NHS: variants seen among roughly 807,000 people sequenced by gnomAD.
The protein encoded by NHS is NHS actin remodeling regulator.
Under a neutral mutation model 72.5 loss-of-function variants are expected in NHS, and 5 were observed. The ratio of observed to expected loss-of-function variants is 0.07; its 90% CI spans 0.04 to 0.14. The LOEUF (loss-of-function observed/expected upper bound fraction) is 0.14, where lower values mean the gene tolerates loss of function less well. Ranked by LOEUF, NHS falls within the 10% of genes least tolerant of loss-of-function variation. The pLI, the probability that NHS is intolerant of heterozygous loss-of-function variation, is 1.00. For missense variants in NHS, 1,072 were observed against 1,355.7 expected (o/e 0.79, Z 3.29); for synonymous variants, 464 against 547.7 (o/e 0.85, Z 2.13).
At chrX:17,574,510 A>G (rs775454968) in intron 1 of NHS, among the ~76,000 whole-genome samples, 13 of 112,386 alleles carry the variant, frequency 1.2e-4, no homozygotes, top group Non-Finnish European at 1.7e-4. Context: ...ACCGAGCCAG[A>G]CAGGAAGGAA....
intron 3 of NHS, among the ~76,000 whole-genome samples, chrX:17,697,791 T>C (rs377747482): frequency 9.9e-5 from 11 of 111,175 alleles, no homozygotes; most frequent in African/African-American, 3.3e-4. Flanking sequence ...TAGAATAAGC[T>C]AATTGATCAC....
intron 3 of NHS, among the ~76,000 whole-genome samples, chrX:17,696,805 A>C (rs2066233656): frequency 1.8e-5 from 2 of 111,877 alleles, no homozygotes; most frequent in Non-Finnish European, 3.8e-5. Context: ...GGGAAAAATA[A>C]AACTACACAG....
At chrX:17,394,141 G>T (rs1035608951) in intron 1 of NHS, among the ~76,000 whole-genome samples, 1 of 111,349 alleles carries the variant, frequency 9.0e-6, no homozygotes, top group Admixed American at 9.6e-5. Flanking sequence ...AAACATCTTT[G>T]AGGCCAAAGC....
chrX:17,698,994 A>C (rs2066247307), intron 3 of NHS, among the ~76,000 whole-genome samples: 1 of 111,820 alleles, frequency 8.9e-6, no homozygotes, highest in South Asian at 3.7e-4. Flanking sequence ...ATAACAAAGA[A>C]GACCAAATAC....
At chrX:17,646,537 A>T (rs2065906646) in intron 1 of NHS, among the ~76,000 whole-genome samples, 1 of 111,434 alleles carries the variant, frequency 9.0e-6, no homozygotes, top group African/African-American at 3.3e-5. Flanking sequence ...TGAGTACATG[A>T]TACTTTTATG....
rs755702431 is a variant in NHS at position 17,376,345 on chromosome X, C to G, written c.565+23C>G. 16 of 1,131,912 alleles carry G rather than the reference C, an allele frequency of 1.4e-5. 1 individual carries two copies. The highest frequency in any genetic ancestry group is 1.8e-5 in the African/African-American group (1 of 55,981). The allele number at this position is 1,131,912 out of a possible 1,213,427, so 93.3% of individuals were successfully genotyped here. ...TGCGTGAGTACCCGCGCCGTCCGCCCGCCAGGCTATGGGTTTCTGCGCCGC... is the reference window on the plus strand; with the variant it reads ...TGCGTGAGTACCCGCGCCGTCCGCCGGCCAGGCTATGGGTTTCTGCGCCGC... On this transcript the variant is annotated intron_variant, in intron 1 of 8. Transcript: ENST00000676302.
intron 1 of NHS, among the ~76,000 whole-genome samples, chrX:17,410,262 A>G (rs1273900480): frequency 9.0e-6 from 1 of 110,917 alleles, no homozygotes; most frequent in Non-Finnish European, 1.9e-5. Context: ...TCCTTCTGAA[A>G]ATGATACCAC....
chrX:17,515,500 T>A (rs946488685), intron 1 of NHS, among the ~76,000 whole-genome samples: 10 of 112,403 alleles, frequency 8.9e-5, no homozygotes, highest in Non-Finnish European at 1.7e-4. Context: ...AAGAAGGATG[T>A]TTTGACTGCT....
intron 1 of NHS, among the ~76,000 whole-genome samples, chrX:17,472,157 G>T (rs1307545801): frequency 9.0e-6 from 1 of 111,331 alleles, no homozygotes; most frequent in Admixed American, 9.6e-5. Flanking sequence ...CTTGTGTTAA[G>T]ATCAAGGCAC....
At chrX:17,389,266 T>A (rs2064427660) in intron 1 of NHS, among the ~76,000 whole-genome samples, 2 of 111,885 alleles carry the variant, frequency 1.8e-5, no homozygotes, top group African/African-American at 6.5e-5. Context: ...TAATACTACT[T>A]TCAGGTAGGA....
intron 1 of NHS, among the ~76,000 whole-genome samples, chrX:17,475,941 C>T (rs1439748620): frequency 8.9e-6 from 1 of 111,851 alleles, no homozygotes; most frequent in Non-Finnish European, 1.9e-5. Context: ...CCTGTGCCCT[C>T]CCCTGCTACA....
intron 1 of NHS, among the ~76,000 whole-genome samples, chrX:17,483,556 G>A (rs1030787101): frequency 1.8e-5 from 2 of 112,086 alleles, no homozygotes; most frequent in Non-Finnish European, 1.9e-5. Context: ...AGGAACTCCT[G>A]TTTGTGTCAG....
At chrX:17,462,582 T>TAAAGTACATTGAAATGTACTTTATG (rs2146897216) in intron 1 of NHS, among the ~76,000 whole-genome samples, 1 of 112,264 alleles carries the variant, frequency 8.9e-6, no homozygotes, top group South Asian at 3.7e-4. Flanking sequence ...TAAATATATG[T>TAAAGTACATTGAAATGTACTTTATG]AAAGTACATT....
At chrX:17,482,391 G>T (rs774736693) in intron 1 of NHS, among the ~76,000 whole-genome samples, 3 of 112,256 alleles carry the variant, frequency 2.7e-5, no homozygotes, top group Non-Finnish European at 5.6e-5. Flanking sequence ...CCTCTGCAAT[G>T]CTTCAGCCTA....
chrX:17,590,117 C>A (rs1301192894), intron 1 of NHS, among the ~76,000 whole-genome samples: 4 of 111,764 alleles, frequency 3.6e-5, no homozygotes, highest in African/African-American at 1.3e-4. Flanking sequence ...AATTGGTGAT[C>A]CCCAGCATGG....
At chrX:17,586,335 C>A (rs1455693845) in intron 1 of NHS, 1 of 111,612 alleles carries the variant, frequency 9.0e-6, no homozygotes, top group African/African-American at 3.3e-5. Context: ...CATCAGAAAA[C>A]AAGCCACCGC....
intron 1 of NHS, among the ~76,000 whole-genome samples, chrX:17,597,113 T>A (rs1157684285): frequency 1.0e-5 from 1 of 96,377 alleles, no homozygotes; most frequent in African/African-American, 4.8e-5. Flanking sequence ...AGACTATTCT[T>A]CCGTTTTTTT....
intron 1 of NHS, among the ~76,000 whole-genome samples, chrX:17,451,761 A>G (rs2064806444): frequency 8.9e-6 from 1 of 112,103 alleles, no homozygotes; most frequent in African/African-American, 3.2e-5. Flanking sequence ...TTAAATCCTT[A>G]TGAAAAGGTA....
At chrX:17,376,593 G>C (rs191210785) in intron 1 of NHS, among the ~76,000 whole-genome samples, 272 of 112,616 alleles carry the variant, frequency 2.4e-3, no homozygotes, top group Non-Finnish European at 4.2e-3. Flanking sequence ...CGTGGGCTGA[G>C]AAGGAGCAGA....
Sources: gnomAD v4.1 joint callset for allele counts (sites outside exome capture counted in the v4.1 genomes callset) on GRCh38, gnomAD v4.1.1 for gene constraint, MANE v1.5 for transcripts, NCBI Gene and HGNC (gene_info 2026-07-23, HGNC 2026-07-21) for gene names.